The following TMC1 variants were observed in gnomAD, a reference collection of about 807,000 sequenced individuals.
TMC1 encodes transmembrane channel like 1, also known as transmembrane channel-like protein 1.
Under a neutral mutation model 105.8 loss-of-function variants are expected in TMC1, and 84 were observed. That is an observed-to-expected ratio of 0.79 (90% CI 0.67 to 0.95). TMC1 has a LOEUF of 0.95. TMC1 is among the 40% of genes least tolerant of loss of function. TMC1 has a pLI of 0.00. For missense variants in TMC1, 817 were observed against 914.1 expected (o/e 0.89, Z 1.37); for synonymous variants, 315 against 311.5 (o/e 1.01, Z -0.12).
chr9:72,638,730 T>C (rs1310559510), intron 4 of TMC1, among the ~76,000 whole-genome samples: 1 of 152,134 alleles, frequency 6.6e-6, no homozygotes, highest in South Asian at 2.1e-4. Context: ...TCATCTCCCA[T>C]GGAGAGGGCT....
intron 1 of TMC1, among the ~76,000 whole-genome samples, chr9:72,563,187 G>A (rs1824088366): frequency 6.6e-6 from 1 of 152,156 alleles, no homozygotes; most frequent in South Asian, 2.1e-4. Context: ...TGTGGTTTTG[G>A]TGGTGGATGG....
At chr9:72,620,144 A>T (rs1321539605) in intron 3 of TMC1, among the ~76,000 whole-genome samples, 1 of 152,142 alleles carries the variant, frequency 6.6e-6, no homozygotes, top group Non-Finnish European at 1.5e-5. Flanking sequence ...AATTTAAAAA[A>T]TTTTTAAGTC....
At chr9:72,649,257 A>G (rs1013082626) in intron 5 of TMC1, among the ~76,000 whole-genome samples, 5 of 152,188 alleles carry the variant, frequency 3.3e-5, no homozygotes, top group Non-Finnish European at 7.4e-5. Flanking sequence ...AATGTGTGGC[A>G]TGTTCATTCA....
chr9:72,561,257 G>C (rs1294639592), intron 1 of TMC1, among the ~76,000 whole-genome samples: 1 of 142,834 alleles, frequency 7.0e-6, no homozygotes, highest in African/African-American at 2.7e-5. Flanking sequence ...GGCACAGCTT[G>C]CAGTGAGCCG....
intron 18 of TMC1, among the ~76,000 whole-genome samples, chr9:72,813,663 C>G (rs1436260768): frequency 1.3e-5 from 2 of 152,156 alleles, no homozygotes; most frequent in African/African-American, 2.4e-5. Context: ...TAGCTGTATT[C>G]CAATAAAATT....
At position 72,604,978 on chromosome 9, in the gene TMC1, A is replaced by G. The variant is rs187334190; in HGVS notation, c.-305-11390A>G. On this transcript the variant is annotated intron_variant, in intron 2 of 23. Coordinates refer to ENST00000297784, the MANE Select transcript of TMC1 (RefSeq NM_138691.3). ...ATGTTAAAGGGAATGTAAAAATTCT[A>G]GATGATTTTTAAGGTATGTATGGTT... is the stretch of plus-strand genomic sequence containing the variant. 3.2e-3 allele frequency among the ~76,000 whole-genome samples: 490 copies of G among 152,366 alleles called. 8 individuals are homozygous for G. Among genetic ancestry groups the G allele is most frequent in the Non-Finnish European group, 4.5e-3 (305 of 68,046 alleles).
intron 10 of TMC1, among the ~76,000 whole-genome samples, chr9:72,745,837 C>G (rs1827480365): frequency 6.6e-6 from 1 of 152,126 alleles, no homozygotes; most frequent in Non-Finnish European, 1.5e-5. Flanking sequence ...CTGTTGAAAT[C>G]TCTGGTTCTG....
intron 2 of TMC1, among the ~76,000 whole-genome samples, chr9:72,603,386 TACACACACACACACAC>T (rs10584160): frequency 6.9e-6 from 1 of 145,228 alleles, no homozygotes; most frequent in Admixed American, 6.9e-5. Context: ...CTCTCCCCAC[TACACACACACACACAC>T]ACACACACAC....
At chr9:72,596,754 A>G (rs1278491030) in intron 2 of TMC1, among the ~76,000 whole-genome samples, 6 of 152,170 alleles carry the variant, frequency 3.9e-5, no homozygotes, top group Non-Finnish European at 8.8e-5. Context: ...TTAAGAGTGT[A>G]TCAGCAGGCC....
intron 3 of TMC1, 23 bp from the exon 4 acceptor site, chr9:72,627,898 A>ATT (rs36038786): frequency 8.4e-5 from 29 of 343,302 alleles, no homozygotes; most frequent in South Asian, 1.3e-4. Context: ...TCTGTATTGG[A>ATT]TTTTTTTTTT....
At chr9:72,811,172 C>A (rs548676035) in intron 18 of TMC1, among the ~76,000 whole-genome samples, 3 of 151,912 alleles carry the variant, frequency 2.0e-5, no homozygotes, top group Non-Finnish European at 4.4e-5. Context: ...CACTTCTGGA[C>A]GAAAATGTTA....
At chr9:72,754,584 G>T (rs1408018148) in intron 11 of TMC1, among the ~76,000 whole-genome samples, 1 of 152,116 alleles carries the variant, frequency 6.6e-6, no homozygotes, top group Non-Finnish European at 1.5e-5. Context: ...CCTGAACTTG[G>T]AATGCAGGGT....
intron 10 of TMC1, among the ~76,000 whole-genome samples, chr9:72,748,270 C>T (rs1827525972): frequency 6.6e-6 from 1 of 151,996 alleles, no homozygotes; most frequent in African/African-American, 2.4e-5. Context: ...AACAATAGTT[C>T]CCATTTCGTA....
At chr9:72,744,336 T>G (rs1322046133) in intron 10 of TMC1, among the ~76,000 whole-genome samples, 1 of 152,196 alleles carries the variant, frequency 6.6e-6, no homozygotes, top group Non-Finnish European at 1.5e-5. Flanking sequence ...ACTCCTGCAT[T>G]CCACTTGGCA....
chr9:72,811,963 G>C (rs1828713626), intron 18 of TMC1, among the ~76,000 whole-genome samples: 1 of 152,156 alleles, frequency 6.6e-6, no homozygotes, highest in Non-Finnish European at 1.5e-5. Context: ...CTACTTTACA[G>C]TAAACTGAGG....
intron 2 of TMC1, among the ~76,000 whole-genome samples, chr9:72,589,351 T>C (rs1824600270): frequency 6.6e-6 from 1 of 152,236 alleles, no homozygotes; most frequent in Admixed American, 6.5e-5. Context: ...ATTAATACAA[T>C]CTGGGTTTGT....
At chr9:72,833,463 C>T (rs1369608813) in intron 23 of TMC1, among the ~76,000 whole-genome samples, 1 of 152,186 alleles carries the variant, frequency 6.6e-6, no homozygotes, top group Non-Finnish European at 1.5e-5. Context: ...TAGTGTGTGT[C>T]TGGGATACAG....
Position 72,704,766 on chromosome 9 carries a change from G to A in TMC1, c.362+4123G>A, listed in dbSNP as rs150672933. ...AAACCTACTGAATGATAATCTCTTG[G>A]TGGAAAGGCAGGTGTGTCTGGCCCA... On this transcript the variant is annotated intron_variant, in intron 8 of 23. Transcript: ENST00000297784. Among the ~76,000 whole-genome samples, 208 of 152,140 alleles carry A rather than the reference G, an allele frequency of 1.4e-3. 1 individual carries two copies. Among genetic ancestry groups the A allele is most frequent in the African/African-American group, 4.8e-3 (198 of 41,500 alleles).
At chr9:72,534,417 A>G (rs952084719) in intron 1 of TMC1, among the ~76,000 whole-genome samples, 3 of 152,178 alleles carry the variant, frequency 2.0e-5, no homozygotes, top group African/African-American at 7.2e-5. Context: ...GAGGTGCTGA[A>G]CAGACATTCT....
Sources: gnomAD v4.1 joint callset for allele counts (sites outside exome capture counted in the v4.1 genomes callset) on GRCh38, gnomAD v4.1.1 for gene constraint, MANE v1.5 for transcripts, NCBI Gene and HGNC (gene_info 2026-07-23, HGNC 2026-07-21) for gene names.